Variants in NLRP9 observed in about 807,000 individuals in gnomAD.
The protein encoded by NLRP9 is NLR family pyrin domain containing 9, also known as NACHT, LRR and PYD domains-containing protein 9.
Under a neutral mutation model 83.1 loss-of-function variants are expected in NLRP9, and 88 were observed. The ratio of observed to expected loss-of-function variants is 1.06; its 90% CI spans 0.89 to 1.26. The LOEUF (loss-of-function observed/expected upper bound fraction) is 1.26, where lower values mean the gene tolerates loss of function less well. Among genes scored for constraint, NLRP9 ranks in the 50% most tolerant of loss-of-function variants. The pLI, the probability that NLRP9 is intolerant of heterozygous loss-of-function variation, is 0.00. For synonymous variants in NLRP9, 521 were observed against 447.6 expected, an observed-to-expected ratio of 1.16 and a Z score of -2.07; for missense variants, 1,308 against 1,179.3, an observed-to-expected ratio of 1.11 and a Z score of -1.60.
rs1483303774 is a variant in NLRP9 at position 55,732,966 on chromosome 19, G to A, written c.865C>T (p.His289Tyr). The change falls in exon 2 of 9, where the codon CAT becomes TAT. Residue 289 changes from histidine (H) to tyrosine (Y), a missense_variant. Physicochemically the swap from His to Tyr is moderately conservative, Grantham distance 83. Coordinates refer to ENST00000332836, the MANE Select transcript of NLRP9 (RefSeq NM_176820.4). ...CCTAAGAGCTTTATGAGTTTTGGATGCCGCAACATAAAATAGTGTTTTTGC... is the reference window on the plus strand; with the variant it reads ...CCTAAGAGCTTTATGAGTTTTGGATACCGCAACATAAAATAGTGTTTTTGC... Reference protein sequence around the residue: ...AMQKHYFMLRHPKLIKLLGFS... With the variant: ...AMQKHYFMLRYPKLIKLLGFS... The A allele has an allele frequency of 2.5e-6, 4 of 1,614,050 alleles. No individual in the cohort carries two copies. Among genetic ancestry groups the A allele is most frequent in the East Asian group, 2.2e-5 (1 of 44,888 alleles).
intron 8 of NLRP9, chr19:55,711,254 AAAAT>A: frequency 1.9e-6 from 1 of 534,994 alleles, no homozygotes; most frequent in Non-Finnish European, 2.4e-6. Context: ...AAAAAATAAA[AAAAT>A]AACTTTTAAA....
intron 1 of NLRP9, among the ~76,000 whole-genome samples, chr19:55,733,945 C>T (rs1289504257): frequency 1.5e-4 from 8 of 55,078 alleles, no homozygotes; most frequent in East Asian, 1.1e-3. Flanking sequence ...TTTTTTGAGA[C>T]GGAGTCTCGC....
chr19:55,734,150 C>T (rs930706208), intron 1 of NLRP9, among the ~76,000 whole-genome samples: 8 of 151,622 alleles, frequency 5.3e-5, no homozygotes, highest in Admixed American at 4.6e-4. Flanking sequence ...GTCTCGATCT[C>T]CTGACCTCAT....
intron 4 of NLRP9, among the ~76,000 whole-genome samples, chr19:55,719,163 G>C (rs1399359424): frequency 6.6e-6 from 1 of 152,194 alleles, no homozygotes; most frequent in Non-Finnish European, 1.5e-5. Context: ...CCTTGGGTTA[G>C]ACTGATTTGC....
intron 8 of NLRP9, 32 bp downstream of exon 8, chr19:55,711,768 C>A: frequency 6.2e-7 from 1 of 1,603,940 alleles, no homozygotes; most frequent in South Asian, 1.1e-5. Flanking sequence ...GTTCTGAAGT[C>A]ACTCACCCCA....
In NLRP9 at chr19:55,712,698, AGAT is replaced by A. The variant is rs368839464; in HGVS notation, c.2502-111_2502-109del. On this transcript the variant is annotated intron_variant, in intron 6 of 8. Transcript: ENST00000332836. ...CGCAAGAAATACCCAAGTAAATCTG[AGAT>A]GATGAGGAGGGTGGGGAGGGGAAGG... 6,836 of 694,760 alleles carry A rather than the reference AGAT, an allele frequency of 9.8e-3. 40 individuals carry two copies. Among genetic ancestry groups the A allele is most frequent in the Non-Finnish European group, 0.011 (4,911 of 458,642 alleles). The allele number at this position is 694,760 out of a possible 1,614,324, so 43.0% of individuals were successfully genotyped here. A position where few individuals can be genotyped will look rare whatever the true frequency, so the allele number is the denominator to read the frequency against.
intron 2 of NLRP9, among the ~76,000 whole-genome samples, chr19:55,730,281 C>T (rs1208333602): frequency 6.6e-6 from 1 of 152,114 alleles, no homozygotes; most frequent in African/African-American, 2.4e-5. Context: ...TAGCAAGACT[C>T]CATCTCTATT....
At chr19:55,733,590 C>A (rs778408379) in intron 1 of NLRP9, 40 bp from the exon 2 acceptor site, 1 of 1,157,842 alleles carries the variant, frequency 8.6e-7, no homozygotes, top group African/African-American at 1.5e-5. Flanking sequence ...GGTAAAAATG[C>A]ACTCATTCTT....
At chr19:55,721,771 T>C (rs1988232482) in intron 4 of NLRP9, among the ~76,000 whole-genome samples, 1 of 152,176 alleles carries the variant, frequency 6.6e-6, no homozygotes, top group Non-Finnish European at 1.5e-5. Context: ...TCCCAGGCTG[T>C]TCTCCTGACA....
chr19:55,712,840 G>A (rs1987800087), intron 6 of NLRP9, among the ~76,000 whole-genome samples: 1 of 4,322 alleles, frequency 2.3e-4, no homozygotes, highest in Non-Finnish European at 4.3e-4. Flanking sequence ...GAAGAAGAGG[G>A]GAGGAAGAGG....
intron 1 of NLRP9, among the ~76,000 whole-genome samples, chr19:55,735,485 GTCA>G (rs1017196271): frequency 1.2e-4 from 18 of 152,182 alleles, no homozygotes; most frequent in African/African-American, 3.1e-4. Flanking sequence ...ATTCCAAAAT[GTCA>G]TCAATGTATG....
chr19:55,732,798 T>C lies in NLRP9; in HGVS notation c.1033A>G (p.Thr345Ala), dbSNP rs1285971504. The change falls in exon 2 of 9, where the codon ACT becomes GCT. Residue 345 changes from threonine to alanine, a missense_variant. Thr to Ala is a moderately conservative substitution (Grantham distance 58). Transcript: ENST00000332836. ...CTCTCTAGCCTCTGTTTCACACAAGTACAGACCAACCAGCACGTAAAGGGA... is the reference window on the plus strand; with the variant it reads ...CTCTCTAGCCTCTGTTTCACACAAGCACAGACCAACCAGCACGTAAAGGGA... ...HNPFTCWLVC[T>A]CVKQRLERGE... 6.8e-6 allele frequency: 11 copies of C among 1,614,190 alleles called. No homozygotes were observed. Among genetic ancestry groups the C allele is most frequent in the Non-Finnish European group, 9.3e-6 (11 of 1,180,034 alleles).
rs537731884 is a variant in NLRP9 at position 55,716,622 on chromosome 19, C to T, written c.2330+106G>A. On this transcript the variant is annotated intron_variant, in intron 5 of 8. Transcript: ENST00000332836. ...GGAACTCAGGTCTAGCTACGGATTC[C>T]GCATTCTGCTGCACCCCTCAGTGAG... 1.0e-4 allele frequency: 93 copies of T among 899,076 alleles called. 1 individual carries two copies. Among genetic ancestry groups the T allele is most frequent in the African/African-American group, 9.8e-4 (60 of 61,108 alleles). 55.7% of individuals were successfully genotyped at this position (899,076 alleles called of 1,614,324 possible).
At chr19:55,728,447 C>T (rs1988464363) in intron 3 of NLRP9, among the ~76,000 whole-genome samples, 1 of 152,116 alleles carries the variant, frequency 6.6e-6, no homozygotes, top group Admixed American at 6.6e-5. Context: ...TGGTGCATGC[C>T]TGTAATCCCA....
chr19:55,733,977 C>T (rs1239253938), intron 1 of NLRP9, among the ~76,000 whole-genome samples: 2 of 136,158 alleles, frequency 1.5e-5, no homozygotes, highest in East Asian at 2.2e-4. Flanking sequence ...GGCTGGAGTG[C>T]AGTGGCGGGA....
In NLRP9 at chr19:55,733,150, C is replaced by T. The variant is rs139101131; in HGVS notation, c.681G>A (p.Met227Ile). The change falls in exon 2 of 9, where the codon ATG becomes ATA. Residue 227 changes from methionine to isoleucine, a missense_variant. By Grantham distance (10) the Met-to-Ile change is conservative (BLOSUM62 1). Transcript: ENST00000332836. ...TAAACTTCAGTTGCTCAAAGCCATC[C>T]ATGATGAACAGAATTCTCTCTGGCT... is the stretch of plus-strand genomic sequence containing the variant. ...FSQPERILFI[M>I]DGFEQLKFNL... 8.7e-6 allele frequency: 14 copies of T among 1,614,010 alleles called. No homozygotes were observed. The African/African-American group carries it at 1.6e-4, about 18-fold the overall frequency.
intron 3 of NLRP9, 144 bp from the exon 4 acceptor site, chr19:55,724,288 T>C: frequency 1.7e-6 from 1 of 598,348 alleles, no homozygotes; most frequent in Non-Finnish European, 2.9e-6. Flanking sequence ...CAGTAAATTA[T>C]TTCTCGATGG....
At chr19:55,734,784 G>C (rs969473258) in intron 1 of NLRP9, among the ~76,000 whole-genome samples, 2 of 151,796 alleles carry the variant, frequency 1.3e-5, no homozygotes, top group Admixed American at 6.6e-5. Context: ...ACAGGCACCT[G>C]CCACCACGCC....
intron 5 of NLRP9, among the ~76,000 whole-genome samples, chr19:55,716,310 G>A (rs554463529): frequency 6.9e-6 from 1 of 145,918 alleles, no homozygotes; most frequent in East Asian, 2.0e-4. Context: ...CCAGGCTGGA[G>A]TGCAGTGGCA....
Sources: allele counts gnomAD v4.1 joint callset (sites outside exome capture counted in the v4.1 genomes callset), GRCh38; gene constraint gnomAD v4.1.1; transcripts MANE v1.5; gene names NCBI Gene and HGNC (gene_info 2026-07-23, HGNC 2026-07-21).